The following GAREM1 variants were observed in gnomAD, a reference collection of about 807,000 sequenced individuals.
GAREM1 encodes the protein GRB2-associated and regulator of MAPK protein 1.
Under a neutral mutation model 71.3 loss-of-function variants are expected in GAREM1, and 26 were observed. That is an observed-to-expected ratio of 0.36 (90% CI 0.27 to 0.51). The LOEUF is 0.51. Ranked by LOEUF, GAREM1 falls within the 20% of genes least tolerant of loss-of-function variation. The probability of loss-of-function intolerance (pLI) is 0.95; values close to 1 mark genes in which losing one functional copy is unlikely to be tolerated. For synonymous variants in GAREM1, 440 were observed against 433.2 expected (o/e 1.02, Z -0.20); for missense variants, 1,026 against 1,103.1 (o/e 0.93, Z 0.99).
chr18:32,286,319 G>GGA (rs1374610662), intron 4 of GAREM1, among the ~76,000 whole-genome samples: 1 of 133,518 alleles, frequency 7.5e-6, no homozygotes, highest in Non-Finnish European at 1.6e-5. Flanking sequence ...ACCTGGTTCT[G>GGA]GAGTGTGTGT....
chr18:32,414,661 A>G (rs1299831443), intron 1 of GAREM1, among the ~76,000 whole-genome samples: 1 of 152,032 alleles, frequency 6.6e-6, no homozygotes, highest in Non-Finnish European at 1.5e-5. Context: ...GTAAAAATGT[A>G]TTGAAACAAA....
At chr18:32,421,322 A>C (rs2048517759) in intron 1 of GAREM1, among the ~76,000 whole-genome samples, 1 of 152,066 alleles carries the variant, frequency 6.6e-6, no homozygotes, top group African/African-American at 2.4e-5. Flanking sequence ...CATTGTTCTA[A>C]CTCATTGTCC....
chr18:32,446,812 AG>A (rs2144284658), intron 1 of GAREM1, among the ~76,000 whole-genome samples: 1 of 152,296 alleles, frequency 6.6e-6, no homozygotes, highest in African/African-American at 2.4e-5. Context: ...TAATTATTCT[AG>A]GTAAATAAAT....
At chr18:32,302,002 CAT>C (rs2047206488) in intron 3 of GAREM1, among the ~76,000 whole-genome samples, 1 of 152,160 alleles carries the variant, frequency 6.6e-6, no homozygotes. Flanking sequence ...TATATTGTAC[CAT>C]ATGCCATAAT....
intron 2 of GAREM1, among the ~76,000 whole-genome samples, chr18:32,373,103 T>C (rs73958407): frequency 0.14 from 22,054 of 152,182 alleles, 2,463 homozygotes; most frequent in African/African-American, 0.31. Flanking sequence ...AGTATTCATG[T>C]TGTATCTCTT....
At chr18:32,299,240 A>C (rs613616) in intron 3 of GAREM1, among the ~76,000 whole-genome samples, 59,398 of 151,884 alleles carry the variant, frequency 0.39, 13,591 homozygotes, top group African/African-American at 0.64. Flanking sequence ...TCTAGCCAGG[A>C]GCGGTGGCTC....
At chr18:32,441,866 T>G (rs1263046611) in intron 1 of GAREM1, among the ~76,000 whole-genome samples, 1 of 152,204 alleles carries the variant, frequency 6.6e-6, no homozygotes, top group African/African-American at 2.4e-5. Context: ...CTATCCCTGA[T>G]GCAACCTACC....
At chr18:32,446,398 T>G (rs1189794472) in intron 1 of GAREM1, among the ~76,000 whole-genome samples, 1 of 152,188 alleles carries the variant, frequency 6.6e-6, no homozygotes, top group Non-Finnish European at 1.5e-5. Flanking sequence ...GTATTATCTC[T>G]ACTTCACCTA....
At chr18:32,413,771 GA>G (rs1190935868) in intron 1 of GAREM1, among the ~76,000 whole-genome samples, 3 of 151,494 alleles carry the variant, frequency 2.0e-5, no homozygotes, top group African/African-American at 2.4e-5. Flanking sequence ...AGATAATGAG[GA>G]AAAAAAACCC....
chr18:32,459,630 T>G (rs2048932411), intron 1 of GAREM1, among the ~76,000 whole-genome samples: 1 of 152,198 alleles, frequency 6.6e-6, no homozygotes, highest in South Asian at 2.1e-4. Flanking sequence ...TTGGGTCTAG[T>G]GCTTGATTGA....
chr18:32,463,942 A>C (rs1345159501), intron 1 of GAREM1, among the ~76,000 whole-genome samples: 1 of 151,408 alleles, frequency 6.6e-6, no homozygotes, highest in Admixed American at 6.6e-5. Context: ...CTATAGGTAC[A>C]AAAAAATGAT....
At chr18:32,289,095 G>GT (rs1426425618) in intron 3 of GAREM1, among the ~76,000 whole-genome samples, 1 of 152,014 alleles carries the variant, frequency 6.6e-6, no homozygotes, top group East Asian at 1.9e-4. Flanking sequence ...GTTTTGTTTT[G>GT]TTTTTGAAGA....
intron 1 of GAREM1, among the ~76,000 whole-genome samples, chr18:32,430,122 A>T (rs754729604): frequency 7.2e-5 from 11 of 152,190 alleles, no homozygotes; most frequent in Non-Finnish European, 7.3e-5. Flanking sequence ...AACAATTAAC[A>T]CTGAAGTACA....
At chr18:32,323,622 T>A (rs1225388063) in intron 2 of GAREM1, among the ~76,000 whole-genome samples, 4 of 152,038 alleles carry the variant, frequency 2.6e-5, no homozygotes, top group Non-Finnish European at 1.5e-5. Context: ...TACAGTAGAA[T>A]CCCTTGAGCC....
At chr18:32,393,351 T>G (rs533531793) in intron 1 of GAREM1, among the ~76,000 whole-genome samples, 2 of 152,290 alleles carry the variant, frequency 1.3e-5, no homozygotes, top group South Asian at 4.1e-4. Context: ...CTAGAATATA[T>G]TAGGTACTGT....
At chr18:32,273,681 C>T (rs915415744) in intron 4 of GAREM1, among the ~76,000 whole-genome samples, 1 of 151,866 alleles carries the variant, frequency 6.6e-6, no homozygotes, top group African/African-American at 2.4e-5. Context: ...CCACATGACT[C>T]CTGAAGGGAG....
intron 2 of GAREM1, among the ~76,000 whole-genome samples, chr18:32,364,026 A>ATATATTTTTTTTTTTTTTTTTTTTT: frequency 2.2e-5 from 1 of 46,400 alleles, no homozygotes; most frequent in Admixed American, 2.2e-4. Flanking sequence ...ATATATATAT[A>ATATATTTTTTTTTTTTTTTTTTTTT]TGTTTTTTTT....
rs117744865 is a variant in GAREM1 at position 32,450,078 on chromosome 18, A to C, written c.121+20230T>G. Among the ~76,000 whole-genome samples, 785 of 152,328 alleles carry C rather than the reference A, an allele frequency of 5.2e-3. 5 individuals carry two copies. The highest frequency in any genetic ancestry group is 8.5e-3 in the Non-Finnish European group (577 of 68,020). On this transcript the variant is annotated intron_variant, in intron 1 of 5. Transcript: ENST00000269209. ...GCCAGTAATTGCAGCTATAAAAAGAATATTATTACAGTAAGGTTAAGTTAA... is the reference window on the plus strand; with the variant it reads ...GCCAGTAATTGCAGCTATAAAAAGACTATTATTACAGTAAGGTTAAGTTAA...
At chr18:32,270,097 A>C in intron 5 of GAREM1, 120 bp downstream of exon 5, 1 of 1,060,512 alleles carries the variant, frequency 9.4e-7, no homozygotes, top group Non-Finnish European at 1.4e-6. Flanking sequence ...TAGAAAATTA[A>C]AAAGCCATTT....
Sources: gnomAD v4.1 joint callset for allele counts (sites outside exome capture counted in the v4.1 genomes callset) on GRCh38, gnomAD v4.1.1 for gene constraint, MANE v1.5 for transcripts, NCBI Gene and HGNC (gene_info 2026-07-23, HGNC 2026-07-21) for gene names.